PTPN18: variants seen among roughly 807,000 people sequenced by gnomAD.
The protein encoded by PTPN18 is tyrosine-protein phosphatase non-receptor type 18.
A neutral mutation model predicts 65.4 loss-of-function variants in PTPN18; 65 were observed. The observed-to-expected ratio is 0.99, with a 90% CI of 0.81 to 1.22. The LOEUF (loss-of-function observed/expected upper bound fraction) is 1.22, where lower values mean the gene tolerates loss of function less well. PTPN18 is among the 50% of genes most tolerant of loss of function. The pLI is 0.00. For synonymous variants in PTPN18, 255 were observed against 267.8 expected (o/e 0.95, Z 0.47); for missense variants, 616 against 646.5 (o/e 0.95, Z 0.51).
At chr2:130,361,948 ATCT>A (rs1680230420) in intron 5 of PTPN18, among the ~76,000 whole-genome samples, 1 of 150,054 alleles carries the variant, frequency 6.7e-6, no homozygotes, top group African/African-American at 2.5e-5. Context: ...ATCTATGTTC[ATCT>A]TTATTTTTTA....
In PTPN18 at chr2:130,373,411, C is replaced by G; in HGVS notation, c.*187C>G. 1 of 607,466 alleles carries G rather than the reference C, an allele frequency of 1.6e-6. No individual in the cohort carries two copies. Among genetic ancestry groups the G allele is most frequent in the Non-Finnish European group, 2.8e-6 (1 of 361,898 alleles). 37.6% of individuals were successfully genotyped at this position (607,466 alleles called of 1,614,324 possible). On this transcript the variant is annotated 3_prime_UTR_variant, in exon 15 of 15. Transcript: ENST00000175756. This position sits in a 1 kb window ranked among gnomAD's most constrained non-coding sequence, Gnocchi z 4.1. ...CAAGGCTTGAGGCTGGAGGAGGTAG[C>G]TAGGGTATAGTGGCTGGTGAGGCTG...
chr2:130,361,570 TCTTTC>T (rs1192422474), intron 5 of PTPN18, among the ~76,000 whole-genome samples: 4 of 146,956 alleles, frequency 2.7e-5, no homozygotes, highest in African/African-American at 1.1e-4. Flanking sequence ...TTCTTTCCTT[TCTTTC>T]CTTTCTTTCC....
rs114443832 is a variant in PTPN18, at chr2:130,363,704, G to T, written c.414+4058G>T. 2.2e-3 allele frequency among the ~76,000 whole-genome samples: 332 copies of T among 152,220 alleles called. 2 individuals are homozygous for T. Among genetic ancestry groups the T allele is most frequent in the Non-Finnish European group, 4.1e-3 (281 of 68,010 alleles). ...TTACTTATTGGTTGACAGAAATTGGGTTCTTTCTACTTTTTGGCTATTATG... is the reference window on the plus strand; with the variant it reads ...TTACTTATTGGTTGACAGAAATTGGTTTCTTTCTACTTTTTGGCTATTATG... On this transcript the variant is annotated intron_variant, in intron 5 of 14. Coordinates refer to ENST00000175756, the MANE Select transcript of PTPN18 (RefSeq NM_014369.4).
intron 5 of PTPN18, among the ~76,000 whole-genome samples, chr2:130,363,074 C>CTT (rs1680272427): frequency 6.6e-6 from 1 of 151,600 alleles, no homozygotes; most frequent in South Asian, 2.1e-4. Flanking sequence ...CCACCTCAGC[C>CTT]TCCCAAAGTG....
At chr2:130,358,129 G>C (rs999127605) in intron 1 of PTPN18, among the ~76,000 whole-genome samples, 1 of 152,146 alleles carries the variant, frequency 6.6e-6, no homozygotes, top group Non-Finnish European at 1.5e-5. Flanking sequence ...CCTGCCTCCC[G>C]CATGTGCAGG....
intron 5 of PTPN18, among the ~76,000 whole-genome samples, chr2:130,361,512 CTCTTTCTTTCTTTCTT>C (rs70994707): frequency 0.022 from 2,729 of 122,914 alleles, 45 homozygotes; most frequent in East Asian, 0.073. Flanking sequence ...TCTTTTCTTT[CTCTTTCTTTCTTTCTT>C]TCTTTCTTTC....
Position 130,373,343 on chromosome 2 carries a change from A to C in PTPN18, c.*119A>C. ...GCCTGGATCAAAGTTAAAGTTTCTC[A>C]GGGTGGGAAATGTGGGGGCTTTGCC... On this transcript the variant is annotated 3_prime_UTR_variant, in exon 15 of 15. Coordinates refer to ENST00000175756, the MANE Select transcript of PTPN18 (RefSeq NM_014369.4). This position sits in a 1 kb window ranked among gnomAD's most constrained non-coding sequence, Gnocchi z 4.1. 2 of 1,101,666 alleles carry C rather than the reference A, an allele frequency of 1.8e-6. No individual in the cohort carries two copies. The highest frequency in any genetic ancestry group is 1.3e-6 in the Non-Finnish European group (1 of 793,924). The allele number at this position is 1,101,666 out of a possible 1,614,324, so 68.2% of individuals were successfully genotyped here. A position where few individuals can be genotyped will look rare whatever the true frequency, so the allele number is the denominator to read the frequency against.
chr2:130,366,721 T>C (rs1680395429), intron 5 of PTPN18, among the ~76,000 whole-genome samples: 1 of 152,236 alleles, frequency 6.6e-6, no homozygotes, highest in South Asian at 2.1e-4. Flanking sequence ...TAAAGATGTT[T>C]AAAATGAAAT....
chr2:130,367,733 G>C (rs1680432432), intron 5 of PTPN18, among the ~76,000 whole-genome samples: 1 of 151,840 alleles, frequency 6.6e-6, no homozygotes, highest in Admixed American at 6.6e-5. Context: ...ATCTGCCTTG[G>C]CGTGACTTTC....
At chr2:130,356,490 C>A (rs1466042962) in intron 1 of PTPN18, 52 of 465,670 alleles carry the variant, frequency 1.1e-4, no homozygotes, top group Non-Finnish European at 2.5e-5. Flanking sequence ...AACCTGGCTG[C>A]GGGCGGGACA....
intron 5 of PTPN18, chr2:130,362,190 G>C: frequency 2.1e-6 from 1 of 467,128 alleles, no homozygotes; most frequent in Non-Finnish European, 4.4e-6. Flanking sequence ...GGCTGGTCTC[G>C]AACTCCTGGC....
chr2:130,359,016 C>G, intron 2 of PTPN18, 41 bp downstream of exon 2: 1 of 1,590,780 alleles, frequency 6.3e-7, no homozygotes, highest in Non-Finnish European at 8.6e-7. Flanking sequence ...CAGCCTTGCA[C>G]GCCCTGCCAC....
At chr2:130,370,024 T>C in intron 7 of PTPN18, 24 bp from the exon 8 acceptor site, 2 of 1,611,728 alleles carry the variant, frequency 1.2e-6, no homozygotes, top group Non-Finnish European at 1.7e-6. Context: ...CTAAGTCTTT[T>C]GCTCATCTTT....
rs201286956 is a variant in PTPN18 at position 130,372,951 on chromosome 2, A to G, written c.1315+4A>G. 17 of 1,613,984 alleles carry G rather than the reference A, an allele frequency of 1.1e-5. No individual in the cohort carries two copies. The Middle Eastern group carries it at 4.9e-4, about 47-fold the overall frequency. On this transcript the variant is annotated splice_donor_region_variant and intron_variant, in intron 14 of 14. Transcript: ENST00000175756. ...GGAGCTCAGACCGGTGGGCTAGGTA[A>G]GTCAGGTAGAGCCTGGGTTGCTGGG...
At chr2:130,361,534 CTTTCTTTCTT>C (rs1558842214) in intron 5 of PTPN18, among the ~76,000 whole-genome samples, 1 of 141,562 alleles carries the variant, frequency 7.1e-6, no homozygotes, top group East Asian at 2.2e-4. Context: ...TTCTTTCTTT[CTTTCTTTCTT>C]TCTTTCTTTC....
chr2:130,370,251 G>T, intron 8 of PTPN18, 61 bp downstream of exon 8: 1 of 1,596,828 alleles, frequency 6.3e-7, no homozygotes, highest in Non-Finnish European at 8.5e-7. Flanking sequence ...ATGGAGGGGA[G>T]TACAGGGCAT....
chr2:130,372,355 A>AGACGGG lies in PTPN18; in HGVS notation c.1132_1137dup (p.Thr378_Gly379dup), dbSNP rs112040677. 2.1e-4 allele frequency: 290 copies of AGACGGG among 1,374,610 alleles called. No individual in the cohort carries two copies. Among genetic ancestry groups the AGACGGG allele is most frequent in the East Asian group, 7.8e-4 (26 of 33,122 alleles). The allele number at this position is 1,374,610 out of a possible 1,614,324, so 85.2% of individuals were successfully genotyped here. A position where few individuals can be genotyped will look rare whatever the true frequency, so the allele number is the denominator to read the frequency against. On this transcript the variant is annotated inframe_insertion, in exon 13 of 15. Coordinates refer to ENST00000175756, the MANE Select transcript of PTPN18 (RefSeq NM_014369.4). ...CCAGCGGGCGCCGGGAGTGGGACGC[A>AGACGGG]GACGGGGACGGGGACGGGGACGGGG...
rs2104926055 is a variant in PTPN18, at chr2:130,359,320, G to T, written c.279+11G>T. The T allele has an allele frequency of 6.2e-7, 1 of 1,614,186 alleles. No homozygotes were observed. The highest frequency in any genetic ancestry group is 2.2e-5 in the East Asian group (1 of 44,876). ...GGCAACTTCATCCGGGTGAGGGTTG[G>T]GGTCACGGAAGGAGGTGGACTGGGA... On this transcript the variant is annotated intron_variant, in intron 3 of 14. Coordinates refer to ENST00000175756, the MANE Select transcript of PTPN18 (RefSeq NM_014369.4).
intron 7 of PTPN18, 67 bp from the exon 8 acceptor site, chr2:130,369,981 A>G: frequency 1.9e-6 from 3 of 1,592,950 alleles, no homozygotes; most frequent in Non-Finnish European, 2.6e-6. Flanking sequence ...GGTGTATAGT[A>G]GATGGCCAAT....
Sources: allele counts gnomAD v4.1 joint callset (sites outside exome capture counted in the v4.1 genomes callset), GRCh38; gene constraint gnomAD v4.1.1; non-coding constraint Gnocchi (gnomAD v3.1); transcripts MANE v1.5; gene names NCBI Gene and HGNC (gene_info 2026-07-23, HGNC 2026-07-21).